Variants in SPOCK3 observed in about 807,000 individuals in gnomAD.
The protein encoded by SPOCK3 is testican-3.
A neutral mutation model predicts 56.6 loss-of-function variants in SPOCK3; 30 were observed. The observed-to-expected ratio is 0.53, with a 90% CI of 0.40 to 0.72. The LOEUF is 0.72. Ranked by LOEUF, SPOCK3 falls within the 30% of genes least tolerant of loss-of-function variation. The probability of loss-of-function intolerance (pLI) is 0.00; values close to 1 mark genes in which losing one functional copy is unlikely to be tolerated. For synonymous variants in SPOCK3, 196 were observed against 183.3 expected, an observed-to-expected ratio of 1.07 and a Z score of -0.56; for missense variants, 527 against 530.0, an observed-to-expected ratio of 0.99 and a Z score of 0.06.
intron 9 of SPOCK3, among the ~76,000 whole-genome samples, chr4:166,738,153 T>G (rs934908678): frequency 3.9e-5 from 6 of 152,184 alleles, no homozygotes; most frequent in Non-Finnish European, 8.8e-5. Context: ...ACTTTAAGAT[T>G]TGACATAAAT....
At chr4:167,145,830 C>A (rs1265127892) in intron 2 of SPOCK3, among the ~76,000 whole-genome samples, 1 of 152,078 alleles carries the variant, frequency 6.6e-6, no homozygotes, top group African/African-American at 2.4e-5. Context: ...TGGAAAGGGA[C>A]AACCAGTACC....
Position 166,888,514 on chromosome 4 carries a change from C to G in SPOCK3, c.589+616G>C, listed in dbSNP as rs148327770. On this transcript the variant is annotated intron_variant, in intron 6 of 10. Transcript: ENST00000357545. ...AATATTTCAAATATAATAATGATAC[C>G]ATGTAAACTATAATAAATAATCTTA... is the stretch of plus-strand genomic sequence containing the variant. 1.8e-3 allele frequency among the ~76,000 whole-genome samples: 269 copies of G among 151,738 alleles called. 1 individual carries two copies. Among genetic ancestry groups the G allele is most frequent in the African/African-American group, 6.1e-3 (254 of 41,386 alleles).
intron 2 of SPOCK3, among the ~76,000 whole-genome samples, chr4:167,145,178 T>C (rs73861939): frequency 6.6e-6 from 1 of 152,018 alleles, no homozygotes; most frequent in African/African-American, 2.4e-5. Context: ...AAGAGTGAAG[T>C]CAAGGATTAT....
At chr4:166,947,705 C>G (rs1282337655) in intron 4 of SPOCK3, among the ~76,000 whole-genome samples, 2 of 152,012 alleles carry the variant, frequency 1.3e-5, no homozygotes, top group Non-Finnish European at 2.9e-5. Context: ...TGTGTTACTT[C>G]TTTTATTTCT....
chr4:166,742,158 G>A, intron 8 of SPOCK3, 99 bp from the exon 9 acceptor site: 1 of 824,790 alleles, frequency 1.2e-6, no homozygotes. Flanking sequence ...TTGTGCCTTT[G>A]GAAGACATGT....
chr4:166,822,160 G>C (rs182630889), intron 6 of SPOCK3, among the ~76,000 whole-genome samples: 2 of 151,642 alleles, frequency 1.3e-5, no homozygotes, highest in African/African-American at 4.8e-5. Flanking sequence ...ATCTCACAAT[G>C]AAGCTGCCAT....
chr4:166,853,294 G>A (rs868096038), intron 6 of SPOCK3, among the ~76,000 whole-genome samples: 1 of 152,140 alleles, frequency 6.6e-6, no homozygotes, highest in South Asian at 2.1e-4. Context: ...TAGGTGAATA[G>A]TTATTTTATT....
At chr4:166,795,695 G>T (rs1338351318) in intron 6 of SPOCK3, among the ~76,000 whole-genome samples, 3 of 151,564 alleles carry the variant, frequency 2.0e-5, no homozygotes, top group Non-Finnish European at 4.4e-5. Flanking sequence ...ACTAATAAAT[G>T]AAGTATTTAT....
rs1418380738 is a variant in SPOCK3 at position 166,816,465 on chromosome 4, T to C, written c.590-24176A>G. Among the ~76,000 whole-genome samples the C allele has an allele frequency of 2.7e-5, 4 of 150,452 alleles. No individual in the cohort carries two copies. The East Asian group carries it at 7.7e-4, about 29-fold the overall frequency. On this transcript the variant is annotated intron_variant, in intron 6 of 10. Transcript: ENST00000357545. ...CCCTGAGGATTTTTAATTAATTTCA[T>C]TGCCATCAAGTAGCATTTTTATAAA...
In SPOCK3 at chr4:166,740,218, C is replaced by T. The variant is rs574666309; in HGVS notation, c.994+1779G>A. ...TATAACAAGTGATCAATTTCAGACG[C>T]GTACTAATACCCCACCCAAATTAGA... On this transcript the variant is annotated intron_variant, in intron 9 of 10. Coordinates refer to ENST00000357545, the MANE Select transcript of SPOCK3 (RefSeq NM_001040159.2). 7.3e-3 allele frequency among the ~76,000 whole-genome samples: 1,115 copies of T among 152,096 alleles called. 10 individuals carry two copies. The highest frequency in any genetic ancestry group is 0.025 in the African/African-American group (1,022 of 41,528).
chr4:166,805,348 T>G (rs1743044805), intron 6 of SPOCK3, among the ~76,000 whole-genome samples: 2 of 152,098 alleles, frequency 1.3e-5, no homozygotes, highest in Non-Finnish European at 2.9e-5. Flanking sequence ...AAATATGTTT[T>G]ATAATACATA....
At chr4:167,132,967 T>C (rs765534422) in intron 2 of SPOCK3, among the ~76,000 whole-genome samples, 20 of 152,200 alleles carry the variant, frequency 1.3e-4, no homozygotes, top group Non-Finnish European at 2.8e-4. Flanking sequence ...GGATTTGACA[T>C]GGATGTATCT....
At chr4:167,016,122 G>A (rs1750596652) in intron 3 of SPOCK3, among the ~76,000 whole-genome samples, 1 of 152,086 alleles carries the variant, frequency 6.6e-6, no homozygotes, top group Non-Finnish European at 1.5e-5. Context: ...AAACTGACAG[G>A]AAAGCCTGTG....
intron 2 of SPOCK3, among the ~76,000 whole-genome samples, chr4:167,094,918 A>C (rs982852632): frequency 6.6e-6 from 1 of 152,090 alleles, no homozygotes; most frequent in Non-Finnish European, 1.5e-5. Flanking sequence ...TCAGACCCAG[A>C]AGACCCGATG....
At chr4:167,154,593 GT>G (rs1764669733) in intron 2 of SPOCK3, among the ~76,000 whole-genome samples, 1 of 152,132 alleles carries the variant, frequency 6.6e-6, no homozygotes, top group African/African-American at 2.4e-5. Context: ...GAGGAAAGAA[GT>G]TTCTTCAACA....
chr4:166,815,886 T>C (rs1195945681), intron 6 of SPOCK3, among the ~76,000 whole-genome samples: 1 of 152,102 alleles, frequency 6.6e-6, no homozygotes, highest in Non-Finnish European at 1.5e-5. Flanking sequence ...AGACTTAGAT[T>C]ATGTACATAG....
chr4:166,889,223 A>G lies in SPOCK3; in HGVS notation c.496T>C (p.Cys166Arg). 6.2e-7 allele frequency: 1 copy of G among 1,609,666 alleles called. No individual in the cohort carries two copies. Among genetic ancestry groups the G allele is most frequent in the African/African-American group, 1.3e-5 (1 of 74,888 alleles). The change falls in exon 6 of 11, where the codon TGT (cysteine) becomes CGT (arginine). Residue 166 changes from cysteine (C) to arginine (R), a missense_variant. Cys to Arg is a radical substitution (Grantham distance 180). Transcript: ENST00000357545. ...ACTGAGATCTGTTTTCCTAAGACAC[A>G]TGCCTGATATTCTAGTTTGCACTGT... ...SFQCKLEYQA[C>R]VLGKQISVKC...
intron 4 of SPOCK3, among the ~76,000 whole-genome samples, chr4:166,993,312 G>A (rs1312532963): frequency 1.3e-5 from 2 of 152,128 alleles, no homozygotes; most frequent in East Asian, 1.9e-4. Flanking sequence ...CCCTTGAGGC[G>A]TCTAGTGCCT....
chr4:167,000,831 T>C (rs1193364891), intron 3 of SPOCK3, among the ~76,000 whole-genome samples: 1 of 152,172 alleles, frequency 6.6e-6, no homozygotes, highest in African/African-American at 2.4e-5. Flanking sequence ...CTGCAATCTA[T>C]ACCCTTGCTT....
Sources: gnomAD v4.1 joint callset for allele counts (sites outside exome capture counted in the v4.1 genomes callset) on GRCh38, gnomAD v4.1.1 for gene constraint, MANE v1.5 for transcripts, NCBI Gene and HGNC (gene_info 2026-07-23, HGNC 2026-07-21) for gene names.